EIF3C: variants seen among roughly 807,000 people sequenced by gnomAD.
The protein encoded by EIF3C is eukaryotic translation initiation factor 3 subunit C, also known as cell migration-inducing protein 17.
Under a neutral mutation model 11.1 loss-of-function variants are expected in EIF3C, and 2 were observed. That is an observed-to-expected ratio of 0.18 (90% confidence interval 0.07 to 0.57). The LOEUF (loss-of-function observed/expected upper bound fraction) is 0.57, where lower values mean the gene tolerates loss of function less well. Ranked by LOEUF, EIF3C falls within the 20% of genes least tolerant of loss-of-function variation. The pLI is 0.92. For missense variants in EIF3C, 16 were observed against 114.6 expected (o/e 0.14, Z 3.93); for synonymous variants, 2 against 41.5 (o/e 0.05, Z 3.66).
At chr16:28,733,083 CTTT>C (rs1567347499) in intron 16 of EIF3C, among the ~76,000 whole-genome samples, 2 of 47,778 alleles carry the variant, frequency 4.2e-5, no homozygotes, top group East Asian at 3.8e-4. Context: ...TTCTTTCTTT[CTTT>C]CTTTTTTTTT....
intron 1 of EIF3C, among the ~76,000 whole-genome samples, chr16:28,698,332 G>A (rs2048255371): frequency 9.9e-6 from 1 of 100,852 alleles, no homozygotes; most frequent in Non-Finnish European, 2.0e-5. Flanking sequence ...AGGGGCGGCC[G>A]GGCAGAGGCG....
chr16:28,732,496 TC>T (rs2048453630), intron 16 of EIF3C, among the ~76,000 whole-genome samples: 2 of 65,414 alleles, frequency 3.1e-5, no homozygotes, highest in African/African-American at 1.4e-4. Context: ...CTTTCCCTTT[TC>T]TTCCCTTCAT....
In EIF3C at chr16:28,698,468, G is replaced by A. The variant is rs1457118068; in HGVS notation, c.-31+9640G>A. On this transcript the variant is annotated intron_variant, in intron 1 of 20. Transcript: ENST00000566501. ...ACCTCCCTCCCGGATGGCACGGCTG[G>A]CCAGGCGGAGGGGCTGACCCCCCAC... 1.3e-4 allele frequency among the ~76,000 whole-genome samples: 9 copies of A among 67,658 alleles called. 4 individuals are homozygous for A. The highest frequency in any genetic ancestry group is 9.0e-4 in the Admixed American group (7 of 7,738). The allele number at this position is 67,658 out of a possible 152,430, so 44.4% of individuals were successfully genotyped here. A position where few individuals can be genotyped will look rare whatever the true frequency, so the allele number is the denominator to read the frequency against.
At position 28,698,689 on chromosome 16, in the gene EIF3C, G is replaced by A. The variant is rs772390046; in HGVS notation, c.-31+9861G>A. ...TCACTTCTCAGACGGGGCAGCTGCC[G>A]GGCGGAGGGGCTCCTCACTTCTCAG... is the stretch of plus-strand genomic sequence containing the variant. On this transcript the variant is annotated intron_variant, in intron 1 of 20. Coordinates refer to the EIF3C transcript ENST00000566501. 1.0e-3 allele frequency among the ~76,000 whole-genome samples: 55 copies of A among 53,454 alleles called. 6 individuals carry two copies. The highest frequency in any genetic ancestry group is 1.7e-3 in the Non-Finnish European group (54 of 32,336). 35.1% of individuals were successfully genotyped at this position (53,454 alleles called of 152,430 possible).
intron 1 of EIF3C, among the ~76,000 whole-genome samples, chr16:28,697,797 G>A (rs1169538828): frequency 1.0e-5 from 1 of 96,986 alleles, no homozygotes; most frequent in Non-Finnish European, 1.9e-5. Flanking sequence ...CTCCCGGATG[G>A]GGCGGCTCGC....
Position 28,723,773 on chromosome 16 carries a change from C to CTT in EIF3C, c.1040+244_1040+245dup, listed in dbSNP as rs1157386167. 1.0e-3 allele frequency among the ~76,000 whole-genome samples: 4 copies of CTT among 3,940 alleles called. No individual in the cohort carries two copies. The East Asian group carries it at 0.017, about 16-fold the overall frequency. The allele number at this position is 3,940 out of a possible 152,430, so 2.6% of individuals were successfully genotyped here. ...CTATACAATGAGATAATGTTCTCCT[C>CTT]TTTTTTTTTTTTTTTTTTTTTTTGT... On this transcript the variant is annotated intron_variant, in intron 10 of 20. Transcript: ENST00000331666.
Position 28,700,611 on chromosome 16 carries a change from T to C in EIF3C, c.-30-11046T>C, listed in dbSNP as rs1200611173. Reference sequence around the variant, plus strand: ...CCACCTGCTTTCTAGACGCGCAGCTTGGCGCAGCCCCGCACAGGCTCCGTG... The same window carrying C: ...CCACCTGCTTTCTAGACGCGCAGCTCGGCGCAGCCCCGCACAGGCTCCGTG... On this transcript the variant is annotated intron_variant, in intron 1 of 20. Transcript: ENST00000566501. 1.5e-5 allele frequency: 4 copies of C among 260,882 alleles called. 1 individual carries two copies. Among genetic ancestry groups the C allele is most frequent in the Admixed American group, 4.8e-5 (1 of 20,946 alleles). 16.2% of individuals were successfully genotyped at this position (260,882 alleles called of 1,614,324 possible). A position where few individuals can be genotyped will look rare whatever the true frequency, so the allele number is the denominator to read the frequency against.
chr16:28,725,598 T>TAC (rs1167468521), intron 13 of EIF3C, among the ~76,000 whole-genome samples: 1 of 7,232 alleles, frequency 1.4e-4, no homozygotes, highest in East Asian at 1.6e-3. Flanking sequence ...CTACTAAAAA[T>TAC]ACACACACAC....
chr16:28,729,810 ACTAGT>A (rs1299619900), intron 15 of EIF3C, among the ~76,000 whole-genome samples: 2 of 148,120 alleles, frequency 1.4e-5, no homozygotes, highest in Non-Finnish European at 3.0e-5. Context: ...AAATACAGAA[ACTAGT>A]CAGGCATAGT....
chr16:28,693,606 C>A, intron 1 of EIF3C, among the ~76,000 whole-genome samples: 1 of 14,888 alleles, frequency 6.7e-5, no homozygotes, highest in Non-Finnish European at 1.1e-4. Context: ...AATCTCATTA[C>A]AGATTAGAAT....
chr16:28,728,523 T>TGG (rs1484392394), intron 15 of EIF3C, among the ~76,000 whole-genome samples: 1 of 118,856 alleles, frequency 8.4e-6, no homozygotes, highest in Non-Finnish European at 1.9e-5. Flanking sequence ...CTTTTAGGGG[T>TGG]GTGTGTGTGT....
chr16:28,697,990 C>CG (rs1312924039), intron 1 of EIF3C, among the ~76,000 whole-genome samples: 4,347 of 20,838 alleles, frequency 0.21, 977 homozygotes, highest in Admixed American at 0.31. Context: ...GCTGGCCGGG[C>CG]GGGGGGGCTG....
chr16:28,697,413 A>G (rs1320309277), intron 1 of EIF3C, among the ~76,000 whole-genome samples: 2 of 9,984 alleles, frequency 2.0e-4, no homozygotes, highest in East Asian at 3.2e-3. Context: ...GCTGCCTTCA[A>G]GCATCTGTTT....
chr16:28,699,373 A>T (rs2048267005), intron 1 of EIF3C, among the ~76,000 whole-genome samples: 1 of 85,590 alleles, frequency 1.2e-5, no homozygotes. Context: ...GAGGCAGGAG[A>T]ATCAGGCAGG....
In EIF3C at chr16:28,691,295, TG is replaced by T. The variant is rs1467336700; in HGVS notation, c.-31+2470del. ...TAAGGTGTTTAAAGCCTATGGTTGC[TG>T]GGCACGGTGGCTCACGCCTGTAATG... is the stretch of plus-strand genomic sequence containing the variant. On this transcript the variant is annotated intron_variant, in intron 1 of 20. Coordinates refer to the EIF3C transcript ENST00000566501. Among the ~76,000 whole-genome samples, 4 of 20,224 alleles carry T rather than the reference TG, an allele frequency of 2.0e-4. 1 individual carries two copies. Among genetic ancestry groups the T allele is most frequent in the Non-Finnish European group, 2.8e-4 (4 of 14,078 alleles). 13.3% of individuals were successfully genotyped at this position (20,224 alleles called of 152,430 possible).
At position 28,691,181 on chromosome 16, in the gene EIF3C, A is replaced by C. The variant is rs1364576174; in HGVS notation, c.-31+2353A>C. ...CAGAGCAAGACTCCGTCTCAAAAAAATATATATATATATAATATATATATT... is the reference window on the plus strand; with the variant it reads ...CAGAGCAAGACTCCGTCTCAAAAAACTATATATATATATAATATATATATT... On this transcript the variant is annotated intron_variant, in intron 1 of 20. Transcript: ENST00000566501. 5.0e-5 allele frequency among the ~76,000 whole-genome samples: 2 copies of C among 39,708 alleles called. 1 individual carries two copies. The highest frequency in any genetic ancestry group is 7.9e-5 in the Non-Finnish European group (2 of 25,444). The allele number at this position is 39,708 out of a possible 152,430, so 26.0% of individuals were successfully genotyped here.
intron 1 of EIF3C, among the ~76,000 whole-genome samples, chr16:28,698,277 C>A (rs1285909692): frequency 8.5e-6 from 1 of 118,316 alleles, no homozygotes; most frequent in Non-Finnish European, 1.8e-5. Flanking sequence ...ATCTCCCTCC[C>A]GGACGGGGTG....
At chr16:28,700,888 C>T (rs1295683922) in intron 1 of EIF3C, 3 of 221,410 alleles carry the variant, frequency 1.4e-5, no homozygotes, top group Non-Finnish European at 2.3e-5. Context: ...CACCATGCTC[C>T]TGCTAAAGCC....
intron 15 of EIF3C, among the ~76,000 whole-genome samples, chr16:28,730,729 G>C (rs2151802472): frequency 2.1e-5 from 2 of 95,280 alleles, no homozygotes; most frequent in South Asian, 9.2e-4. Flanking sequence ...ACCATCATCT[G>C]CCTTTGTGTC....
Sources: allele counts gnomAD v4.1 joint callset (sites outside exome capture counted in the v4.1 genomes callset), GRCh38; gene constraint gnomAD v4.1.1; transcripts MANE v1.5; gene names NCBI Gene and HGNC (gene_info 2026-07-23, HGNC 2026-07-21).